ST6GALNAC5: variants seen among roughly 807,000 people sequenced by gnomAD.
The protein encoded by ST6GALNAC5 is ST6 N-acetylgalactosaminide alpha-2,6-sialyltransferase 5, also known as alpha-N-acetylgalactosaminide alpha-2,6-sialyltransferase 5.
In ST6GALNAC5, 27 loss-of-function variants were observed where a neutral mutation model predicts 33.6. That is an observed-to-expected ratio of 0.80 (90% confidence interval 0.59 to 1.11). The LOEUF (loss-of-function observed/expected upper bound fraction) is 1.11. Ranked by LOEUF, ST6GALNAC5 falls within the 50% of genes least tolerant of loss-of-function variation. The pLI is 0.00. For synonymous variants in ST6GALNAC5, 194 were observed against 171.2 expected (o/e 1.13, Z -1.04); for missense variants, 428 against 454.0 (o/e 0.94, Z 0.52).
Position 76,868,849 on chromosome 1 carries a change from G to C in ST6GALNAC5, c.261+107G>C, listed in dbSNP as rs939636752. The C allele has an allele frequency of 7.0e-5, 99 of 1,418,388 alleles. 2 individuals are homozygous for C. In the South Asian group the frequency reaches 8.8e-4, roughly 13 times the overall value. 87.9% of individuals were successfully genotyped at this position (1,418,388 alleles called of 1,614,324 possible). A position where few individuals can be genotyped will look rare whatever the true frequency, so the allele number is the denominator to read the frequency against. ...GAGGCGCTGTGAGTAGGTGCCGTTC[G>C]AAGGCTGGAGGGGAGTGGACCCGCT... On this transcript the variant is annotated intron_variant, in intron 2 of 4. Transcript: ENST00000477717. The surrounding 1 kb of genome is among the most constrained non-coding windows in gnomAD (Gnocchi z 4.3).
At chr1:77,039,999 A>G (rs1392773902) in intron 2 of ST6GALNAC5, among the ~76,000 whole-genome samples, 1 of 152,222 alleles carries the variant, frequency 6.6e-6, no homozygotes, top group African/African-American at 2.4e-5. Flanking sequence ...ATCTTGACTC[A>G]CCAAGGCATG....
In ST6GALNAC5 at chr1:76,888,136, G is replaced by A. The variant is rs113126118; in HGVS notation, c.261+19394G>A. ...ATTATAGATCATGCTGTGACAGAAT[G>A]ACAAAGGTGTCAATGTGGTCTTTAA... is the stretch of plus-strand genomic sequence containing the variant. On this transcript the variant is annotated intron_variant, in intron 2 of 4. Transcript: ENST00000477717. Among the ~76,000 whole-genome samples, 16 of 152,300 alleles carry A rather than the reference G, an allele frequency of 1.1e-4. 5 individuals are homozygous for A. The highest frequency in any genetic ancestry group is 3.8e-4 in the African/African-American group (16 of 41,576).
intron 2 of ST6GALNAC5, among the ~76,000 whole-genome samples, chr1:77,012,603 T>TAGAA (rs1650675431): frequency 2.0e-5 from 3 of 152,164 alleles, no homozygotes; most frequent in Non-Finnish European, 4.4e-5. Flanking sequence ...CGACTGATCC[T>TAGAA]TCTCTTGGTG....
At chr1:76,904,894 A>T (rs1369797564) in intron 2 of ST6GALNAC5, among the ~76,000 whole-genome samples, 1 of 152,184 alleles carries the variant, frequency 6.6e-6, no homozygotes, top group Non-Finnish European at 1.5e-5. Flanking sequence ...GTTCAAAAAT[A>T]GGCTAAATGA....
At chr1:77,026,531 C>T (rs200733690) in intron 2 of ST6GALNAC5, among the ~76,000 whole-genome samples, 2 of 90,214 alleles carry the variant, frequency 2.2e-5, no homozygotes, top group Non-Finnish European at 4.2e-5. Flanking sequence ...AGCTTACCAA[C>T]CCCCCAGAAG....
intron 2 of ST6GALNAC5, among the ~76,000 whole-genome samples, chr1:76,981,249 T>C (rs1649240033): frequency 6.6e-6 from 1 of 152,176 alleles, no homozygotes; most frequent in African/African-American, 2.4e-5. Context: ...AGGGAAGCCG[T>C]GACAGACTAC....
chr1:77,002,025 C>T (rs1650189470), intron 2 of ST6GALNAC5, among the ~76,000 whole-genome samples: 1 of 152,122 alleles, frequency 6.6e-6, no homozygotes, highest in South Asian at 2.1e-4. Flanking sequence ...AGGAAGGATT[C>T]CCTCTTTTTC....
chr1:77,034,826 T>A (rs1438664388), intron 2 of ST6GALNAC5, among the ~76,000 whole-genome samples: 1 of 152,220 alleles, frequency 6.6e-6, no homozygotes, highest in South Asian at 2.1e-4. Context: ...TGTACTATTA[T>A]TTAAGGATTC....
intron 2 of ST6GALNAC5, among the ~76,000 whole-genome samples, chr1:77,002,477 T>G (rs1171423984): frequency 2.0e-4 from 31 of 152,116 alleles, no homozygotes; most frequent in African/African-American, 7.5e-4. Context: ...CGGTTTTTTG[T>G]GTCTCTATTT....
intron 2 of ST6GALNAC5, among the ~76,000 whole-genome samples, chr1:76,940,368 G>A (rs1647303980): frequency 6.6e-6 from 1 of 152,088 alleles, no homozygotes; most frequent in Non-Finnish European, 1.5e-5. Context: ...ATTCATGTGA[G>A]TTTGTGCCTA....
intron 3 of ST6GALNAC5, among the ~76,000 whole-genome samples, chr1:77,046,103 A>C (rs1043262837): frequency 6.6e-6 from 1 of 152,154 alleles, no homozygotes; most frequent in South Asian, 2.1e-4. Context: ...ACTGTTACTG[A>C]GTCAATTGCT....
Position 77,060,436 on chromosome 1 carries a change from T to C in ST6GALNAC5, c.780-2539T>C, listed in dbSNP as rs183246138. Reference sequence around the variant, plus strand: ...GACCCAAGGAAGTATGACCTTCAGCTAGGAGTGTCTTTCTAAATGGCATAG... The same window carrying C: ...GACCCAAGGAAGTATGACCTTCAGCCAGGAGTGTCTTTCTAAATGGCATAG... On this transcript the variant is annotated intron_variant, in intron 4 of 4. Transcript: ENST00000477717. 1.8e-3 allele frequency among the ~76,000 whole-genome samples: 269 copies of C among 152,296 alleles called. 1 individual carries two copies. Among genetic ancestry groups the C allele is most frequent in the African/African-American group, 6.2e-3 (256 of 41,570 alleles).
At chr1:76,905,447 G>C (rs1646856054) in intron 2 of ST6GALNAC5, among the ~76,000 whole-genome samples, 1 of 152,166 alleles carries the variant, frequency 6.6e-6, no homozygotes, top group Non-Finnish European at 1.5e-5. Flanking sequence ...AATTTACATA[G>C]AGACAGAAGG....
At chr1:76,970,589 C>T (rs1255286507) in intron 2 of ST6GALNAC5, among the ~76,000 whole-genome samples, 2 of 152,040 alleles carry the variant, frequency 1.3e-5, no homozygotes, top group Non-Finnish European at 2.9e-5. Flanking sequence ...GATTGGTGTA[C>T]CTGAAAGTGA....
intron 2 of ST6GALNAC5, among the ~76,000 whole-genome samples, chr1:77,000,756 C>T (rs1421440605): frequency 1.3e-5 from 2 of 151,314 alleles, no homozygotes; most frequent in Non-Finnish European, 3.0e-5. Context: ...GGAATCCTTT[C>T]CCCATTGCTT....
intron 2 of ST6GALNAC5, among the ~76,000 whole-genome samples, chr1:76,992,584 T>G (rs1165139812): frequency 1.3e-5 from 2 of 152,194 alleles, no homozygotes; most frequent in Admixed American, 6.5e-5. Context: ...AACCTCTGCC[T>G]CCCAGGCTCA....
At chr1:76,921,339 G>A (rs1231873559) in intron 2 of ST6GALNAC5, among the ~76,000 whole-genome samples, 2 of 152,064 alleles carry the variant, frequency 1.3e-5, no homozygotes, top group Non-Finnish European at 2.9e-5. Context: ...CCCTCTTGGG[G>A]ACTGATCTTC....
In ST6GALNAC5 at chr1:77,063,441, A is replaced by G. The variant is rs1205100150; in HGVS notation, c.*235A>G. The G allele has an allele frequency of 1.1e-5, 6 of 521,912 alleles. No homozygotes were observed. The East Asian group carries it at 1.9e-4, about 17-fold the overall frequency. 32.3% of individuals were successfully genotyped at this position (521,912 alleles called of 1,614,324 possible). A position where few individuals can be genotyped will look rare whatever the true frequency, so the allele number is the denominator to read the frequency against. On this transcript the variant is annotated 3_prime_UTR_variant, in exon 5 of 5. Coordinates refer to ENST00000477717, the MANE Select transcript of ST6GALNAC5 (RefSeq NM_030965.3). Reference sequence around the variant, plus strand: ...TCCCCTTCAATGGTGTTACCTTAGGAGCTGAACATTCAATTCAGTTACACC... The same window carrying G: ...TCCCCTTCAATGGTGTTACCTTAGGGGCTGAACATTCAATTCAGTTACACC...
At chr1:76,930,397 T>C (rs1430139024) in intron 2 of ST6GALNAC5, among the ~76,000 whole-genome samples, 3 of 152,126 alleles carry the variant, frequency 2.0e-5, no homozygotes, top group African/African-American at 7.2e-5. Flanking sequence ...GTAATGCAGT[T>C]TTTAAGTAGC....
Sources: gnomAD v4.1 joint callset for allele counts (sites outside exome capture counted in the v4.1 genomes callset) on GRCh38, gnomAD v4.1.1 for gene constraint, Gnocchi (gnomAD v3.1) non-coding constraint, MANE v1.5 for transcripts, NCBI Gene and HGNC (gene_info 2026-07-23, HGNC 2026-07-21) for gene names.